The following C2CD5 variants were observed in gnomAD, a reference collection of about 807,000 sequenced individuals.
C2CD5 encodes C2 domain-containing protein 5.
In C2CD5, 109 loss-of-function variants were observed where a neutral mutation model predicts 130.3. The observed-to-expected ratio is 0.84, with a 90% confidence interval of 0.72 to 0.98. C2CD5 has a LOEUF of 0.98. C2CD5 is among the 50% of genes least tolerant of loss of function. C2CD5 has a pLI of 0.00. For synonymous variants in C2CD5, 454 were observed against 429.2 expected (o/e 1.06, Z -0.71); for missense variants, 996 against 1,261.8 (o/e 0.79, Z 3.19).
chr12:22,493,678 A>G (rs1946648567), intron 10 of C2CD5, among the ~76,000 whole-genome samples: 1 of 152,024 alleles, frequency 6.6e-6, no homozygotes, highest in Admixed American at 6.6e-5. Flanking sequence ...AGGATATTCT[A>G]CATCTCACCT....
Position 22,524,790 on chromosome 12 carries a change from T to G in C2CD5, c.446-163A>C, listed in dbSNP as rs554636791. Reference sequence around the variant, plus strand: ...ATAATACTTCCAGTCTTCTAAGATCTATTTCATTTTTAGAAATAATTATTG... The same window carrying G: ...ATAATACTTCCAGTCTTCTAAGATCGATTTCATTTTTAGAAATAATTATTG... On this transcript the variant is annotated intron_variant, in intron 5 of 26. Transcript: ENST00000446597. Among the ~76,000 whole-genome samples the G allele has an allele frequency of 7.2e-5, 11 of 152,346 alleles. No individual in the cohort carries two copies. The East Asian group carries it at 2.1e-3, about 29-fold the overall frequency.
rs749911979 is a variant in C2CD5, at chr12:22,523,571, C to G, written c.655G>C (p.Val219Leu). The G allele has an allele frequency of 1.5e-5, 25 of 1,613,814 alleles. No homozygotes were observed. The highest frequency in any genetic ancestry group is 1.9e-5 in the Non-Finnish European group (22 of 1,179,980). The change falls in exon 7 of 27, where the codon GTT becomes CTT. Residue 219 changes from valine to leucine, a missense_variant. Coordinates refer to ENST00000446597, the MANE Select transcript of C2CD5 (RefSeq NM_001286176.2). Reference sequence around the variant, plus strand: ...TCGAAACACTGTAAGTACCCCACAACTGCATTTCCTCTCATTTCAAGTACT... The same window carrying G: ...TCGAAACACTGTAAGTACCCCACAAGTGCATTTCCTCTCATTTCAAGTACT... ...LKVLEMRGNAVVGYLQCFDLE... is the reference protein window; with the variant it reads ...LKVLEMRGNALVGYLQCFDLE...
chr12:22,455,507 A>G (rs1187478532), intron 25 of C2CD5, among the ~76,000 whole-genome samples: 1 of 152,304 alleles, frequency 6.6e-6, no homozygotes, highest in Middle Eastern at 3.4e-3. Context: ...ATGTGCTACC[A>G]AGAGCAAGTA....
chr12:22,454,446 A>G (rs376141045), intron 25 of C2CD5, among the ~76,000 whole-genome samples: 29 of 152,274 alleles, frequency 1.9e-4, no homozygotes, highest in East Asian at 1.7e-3. Context: ...CCTGTTATCT[A>G]TATCTCTCAT....
At chr12:22,464,985 G>C (rs541854029) in intron 22 of C2CD5, among the ~76,000 whole-genome samples, 8 of 152,182 alleles carry the variant, frequency 5.3e-5, no homozygotes, top group Admixed American at 3.9e-4. Flanking sequence ...ATCTGTGAAT[G>C]AGACTGTCTC....
chr12:22,471,361 A>C (rs761493388), intron 20 of C2CD5, 38 bp downstream of exon 20: 5 of 1,065,522 alleles, frequency 4.7e-6, no homozygotes, highest in Admixed American at 1.9e-5. Context: ...AATAAAACAG[A>C]TCAGATAAAG....
At chr12:22,515,141 G>A (rs1949588304) in intron 8 of C2CD5, 2 of 984,774 alleles carry the variant, frequency 2.0e-6, no homozygotes, top group Non-Finnish European at 2.4e-6. Flanking sequence ...AGGTCCCTGT[G>A]GGTAAGGTGC....
chr12:22,496,817 G>A (rs1417675063), intron 10 of C2CD5, among the ~76,000 whole-genome samples: 1 of 151,804 alleles, frequency 6.6e-6, no homozygotes, highest in Non-Finnish European at 1.5e-5. Context: ...GGCATGAACT[G>A]AGCACTAAAT....
At chr12:22,502,898 C>T (rs1407820957) in intron 10 of C2CD5, 1 of 673,736 alleles carries the variant, frequency 1.5e-6, no homozygotes, top group South Asian at 1.7e-5. Context: ...CAATTGACAA[C>T]ACCACTCGAC....
intron 5 of C2CD5, among the ~76,000 whole-genome samples, 159 bp downstream of exon 5, chr12:22,525,451 T>C (rs1257248310): frequency 6.6e-6 from 1 of 152,222 alleles, no homozygotes; most frequent in Non-Finnish European, 1.5e-5. Context: ...TATACTCAAA[T>C]CAGAACTACT....
chr12:22,484,804 T>C lies in C2CD5; in HGVS notation c.1443A>G (p.Thr481=). 6.2e-7 allele frequency: 1 copy of C among 1,609,614 alleles called. No homozygotes were observed. Among genetic ancestry groups the C allele is most frequent in the Non-Finnish European group, 8.5e-7 (1 of 1,177,132 alleles). Residue 481 remains threonine (T), a synonymous_variant, in exon 13 of 27, where the codon ACA becomes ACG. Coordinates refer to ENST00000446597, the MANE Select transcript of C2CD5 (RefSeq NM_001286176.2). ...ELNMPFPAHL[T]YCYNCRKQKV... Reference sequence around the variant, plus strand: ...TTTGTTTCCTGCAGTTATAGCAATATGTGAGATGAGCTGGAAATGGCATAT... The same window carrying C: ...TTTGTTTCCTGCAGTTATAGCAATACGTGAGATGAGCTGGAAATGGCATAT...
intron 7 of C2CD5, among the ~76,000 whole-genome samples, chr12:22,521,365 T>C (rs1950251826): frequency 6.6e-6 from 1 of 152,200 alleles, no homozygotes; most frequent in South Asian, 2.1e-4. Context: ...GGAGAAAACG[T>C]ATACAATCCC....
intron 2 of C2CD5, among the ~76,000 whole-genome samples, chr12:22,541,020 T>C (rs981496227): frequency 6.6e-6 from 1 of 152,176 alleles, no homozygotes; most frequent in East Asian, 1.9e-4. Flanking sequence ...GAGTCCTGGG[T>C]CTCACAGTTG....
At chr12:22,500,416 G>C (rs1342709611) in intron 10 of C2CD5, among the ~76,000 whole-genome samples, 1 of 152,008 alleles carries the variant, frequency 6.6e-6, no homozygotes, top group African/African-American at 2.4e-5. Context: ...CATAAACATG[G>C]GTCCAAAAAC....
chr12:22,525,395 T>G (rs1353997255), intron 5 of C2CD5, among the ~76,000 whole-genome samples: 1 of 152,202 alleles, frequency 6.6e-6, no homozygotes, highest in Non-Finnish European at 1.5e-5. Context: ...GTCACTGGAT[T>G]TTTCTAATAA....
At chr12:22,514,301 A>G (rs561575184) in intron 8 of C2CD5, among the ~76,000 whole-genome samples, 2 of 152,286 alleles carry the variant, frequency 1.3e-5, no homozygotes, top group Admixed American at 6.5e-5. Flanking sequence ...CTGTTCTTGG[A>G]TAAGGAAACA....
chr12:22,471,582 G>T, intron 19 of C2CD5, 94 bp from the exon 20 acceptor site: 1 of 602,382 alleles, frequency 1.7e-6, no homozygotes, highest in Non-Finnish European at 2.7e-6. Context: ...AGCAAATGGA[G>T]AGTTAAAAAT....
chr12:22,509,446 G>A (rs970772528), intron 9 of C2CD5, among the ~76,000 whole-genome samples: 5 of 152,138 alleles, frequency 3.3e-5, no homozygotes, highest in Non-Finnish European at 7.3e-5. Context: ...GAAACACACA[G>A]GGCGATGGCT....
At position 22,493,211 on chromosome 12, in the gene C2CD5, A is replaced by G. The variant is rs377239495; in HGVS notation, c.1262+12T>C. ...TTAGTGTCTGGAAAATCAAGTTGTT[A>G]TTATCATTTACCAGATGCTAGTTGA... On this transcript the variant is annotated intron_variant, in intron 11 of 26. Transcript: ENST00000446597. 135 of 1,418,134 alleles carry G rather than the reference A, an allele frequency of 9.5e-5. No homozygotes were observed. Among genetic ancestry groups the G allele is most frequent in the Non-Finnish European group, 1.2e-4 (125 of 1,017,522 alleles). The allele number at this position is 1,418,134 out of a possible 1,614,324, so 87.8% of individuals were successfully genotyped here. A position where few individuals can be genotyped will look rare whatever the true frequency, so the allele number is the denominator to read the frequency against.
Sources: gnomAD v4.1 joint callset for allele counts (sites outside exome capture counted in the v4.1 genomes callset) on GRCh38, gnomAD v4.1.1 for gene constraint, MANE v1.5 for transcripts, NCBI Gene and HGNC (gene_info 2026-07-23, HGNC 2026-07-21) for gene names.